OSTM1: variants seen among roughly 807,000 people sequenced by gnomAD.
OSTM1 encodes osteopetrosis-associated transmembrane protein 1.
Under a neutral mutation model 35.4 loss-of-function variants are expected in OSTM1, and 26 were observed. The observed-to-expected ratio is 0.73, with a 90% CI of 0.54 to 1.02. OSTM1 has a LOEUF of 1.02. Among genes scored for constraint, OSTM1 ranks in the 50% least tolerant of loss-of-function variants. The pLI, the probability that OSTM1 is intolerant of heterozygous loss-of-function variation, is 0.00. For synonymous variants in OSTM1, 181 were observed against 165.0 expected (o/e 1.10, Z -0.75); for missense variants, 366 against 409.6 (o/e 0.89, Z 0.92).
In OSTM1 at chr6:108,074,437, G is replaced by A. The variant is rs1202491913; in HGVS notation, c.215C>T (p.Ser72Leu). The A allele has an allele frequency of 1.3e-6, 2 of 1,559,304 alleles. No homozygotes were observed. Among genetic ancestry groups the A allele is most frequent in the African/African-American group, 1.4e-5 (1 of 73,674 alleles). ...LLQGGGLGPL[S>L]LPPDLPDLDP... ...CAGATCCGGCAGGTCCGGGGGCAGCGACAGAGGCCCCAGCCCTCCACCCTG... is the reference window on the plus strand; with the variant it reads ...CAGATCCGGCAGGTCCGGGGGCAGCAACAGAGGCCCCAGCCCTCCACCCTG... The change falls in exon 1 of 6, where the codon TCG (serine) becomes TTG (leucine). Residue 72 changes from serine (S) to leucine (L), a missense_variant. Physicochemically the swap from Ser to Leu is moderately radical, Grantham distance 145. Coordinates refer to ENST00000193322, the MANE Select transcript of OSTM1 (RefSeq NM_014028.4).
intron 1 of OSTM1, among the ~76,000 whole-genome samples, chr6:108,072,105 C>T (rs1772495654): frequency 6.6e-6 from 1 of 152,178 alleles, no homozygotes; most frequent in Non-Finnish European, 1.5e-5. Flanking sequence ...GCATCATGAT[C>T]CCTGGCCATT....
rs191274133 is a variant in OSTM1 at position 108,054,561 on chromosome 6, A to G, written c.544T>C (p.Leu182=). ...AGGAAATATACTGTGCTGTTTGATAATTCTTCACTGTTGTTTGTTAAACAA... is the reference window on the plus strand; with the variant it reads ...AGGAAATATACTGTGCTGTTTGATAGTTCTTCACTGTTGTTTGTTAAACAA... ...ANCLTNNSEE[L]SNSTVYFLNL... The change falls in exon 3 of 6, where the codon TTA becomes CTA. Residue 182 remains leucine (L), a synonymous_variant. Coordinates refer to ENST00000193322, the MANE Select transcript of OSTM1 (RefSeq NM_014028.4). 29 of 1,564,436 alleles carry G rather than the reference A, an allele frequency of 1.9e-5. No individual in the cohort carries two copies. The East Asian group carries it at 6.3e-4, about 34-fold the overall frequency.
At chr6:108,073,940 G>A in intron 1 of OSTM1, 1 of 433,370 alleles carries the variant, frequency 2.3e-6, no homozygotes, top group Non-Finnish European at 4.2e-6. Flanking sequence ...GCAACTCCAG[G>A]TGAAGATGAG....
At chr6:108,058,019 C>T (rs1772197727) in intron 2 of OSTM1, among the ~76,000 whole-genome samples, 1 of 150,526 alleles carries the variant, frequency 6.6e-6, no homozygotes, top group Admixed American at 6.6e-5. Context: ...TCAGAGAAGG[C>T]TCAGGCATCA....
Position 108,064,319 on chromosome 6 carries a change from G to C in OSTM1, c.403-20C>G. On this transcript the variant is annotated intron_variant, in intron 1 of 5. Transcript: ENST00000193322. ...AGTATTCTGTAACAAAAAGAAGACA[G>C]AAAAATACAATCTGAGTATTTTCAG... The C allele has an allele frequency of 7.8e-7, 1 of 1,279,634 alleles. No homozygotes were observed. Among genetic ancestry groups the C allele is most frequent in the Non-Finnish European group, 1.1e-6 (1 of 882,402 alleles). The allele number at this position is 1,279,634 out of a possible 1,614,324, so 79.3% of individuals were successfully genotyped here.
intron 3 of OSTM1, among the ~76,000 whole-genome samples, chr6:108,051,447 T>G (rs1435822019): frequency 6.6e-6 from 1 of 152,198 alleles, no homozygotes; most frequent in Non-Finnish European, 1.5e-5. Context: ...GGCAAACTGT[T>G]TGGAACTTTC....
rs548062505 is a variant in OSTM1, at chr6:108,068,301, T to C, written c.403-4002A>G. ...GTCATAATTTCAAATGCCATTTTTA[T>C]GCCGACACTCCCAAAGGTGTTATCT... On this transcript the variant is annotated intron_variant, in intron 1 of 5. Coordinates refer to ENST00000193322, the MANE Select transcript of OSTM1 (RefSeq NM_014028.4). 8.2e-4 allele frequency among the ~76,000 whole-genome samples: 125 copies of C among 152,320 alleles called. 1 individual carries two copies. The highest frequency in any genetic ancestry group is 2.9e-3 in the African/African-American group (120 of 41,570).
intron 2 of OSTM1, among the ~76,000 whole-genome samples, chr6:108,057,233 C>T (rs968735969): frequency 2.0e-5 from 3 of 152,130 alleles, no homozygotes; most frequent in Non-Finnish European, 2.9e-5. Flanking sequence ...TGTCTCATTG[C>T]CCCTCTTAAT....
intron 2 of OSTM1, among the ~76,000 whole-genome samples, chr6:108,056,185 A>C (rs1772166911): frequency 6.6e-6 from 1 of 152,024 alleles, no homozygotes; most frequent in South Asian, 2.1e-4. Flanking sequence ...ACTGCACTTT[A>C]AACACATTTG....
intron 1 of OSTM1, 108 bp from the exon 2 acceptor site, chr6:108,064,407 A>T: frequency 2.8e-6 from 2 of 704,918 alleles, no homozygotes; most frequent in East Asian, 5.3e-5. Context: ...GCTTTTTAAC[A>T]TTTTGTTTGA....
At chr6:108,060,800 C>G (rs1186846541) in intron 2 of OSTM1, 1 of 152,130 alleles carries the variant, frequency 6.6e-6, no homozygotes, top group African/African-American at 2.4e-5. Context: ...TCACATCTGT[C>G]AAAAGAAGTG....
At chr6:108,053,022 T>TAGAA (rs1772106812) in intron 3 of OSTM1, among the ~76,000 whole-genome samples, 1 of 152,206 alleles carries the variant, frequency 6.6e-6, no homozygotes, top group African/African-American at 2.4e-5. Context: ...AAGCTTCCCT[T>TAGAA]TACCCTTCCC....
In OSTM1 at chr6:108,042,915, T is replaced by A. The variant is rs1250687923; in HGVS notation, c.*1870A>T. ...AGCTGTGTGTCAACATTCAGTACTATGCAAATCATTTTTCAATATGACAAA... is the reference window on the plus strand; with the variant it reads ...AGCTGTGTGTCAACATTCAGTACTAAGCAAATCATTTTTCAATATGACAAA... On this transcript the variant is annotated 3_prime_UTR_variant, in exon 6 of 6. Transcript: ENST00000193322. 2.0e-5 allele frequency: 3 copies of A among 152,224 alleles called. No homozygotes were observed. Among genetic ancestry groups the A allele is most frequent in the Non-Finnish European group, 4.4e-5 (3 of 68,034 alleles). The allele number at this position is 152,224 out of a possible 1,614,324, so 9.4% of individuals were successfully genotyped here.
At chr6:108,053,517 T>C (rs189388948) in intron 3 of OSTM1, among the ~76,000 whole-genome samples, 1 of 152,318 alleles carries the variant, frequency 6.6e-6, no homozygotes, top group Non-Finnish European at 1.5e-5. Context: ...ATTTTTTTTA[T>C]TTTATTTTTT....
intron 5 of OSTM1, among the ~76,000 whole-genome samples, chr6:108,048,644 T>C (rs1772022297): frequency 6.6e-6 from 1 of 152,180 alleles, no homozygotes; most frequent in Admixed American, 6.5e-5. Context: ...TATTGCCATG[T>C]TAGGAGTGCA....
chr6:108,066,085 G>A (rs1175504686), intron 1 of OSTM1, among the ~76,000 whole-genome samples: 1 of 152,178 alleles, frequency 6.6e-6, no homozygotes, highest in African/African-American at 2.4e-5. Context: ...TGAAAGTAGG[G>A]CTATTAAAGG....
intron 1 of OSTM1, among the ~76,000 whole-genome samples, chr6:108,071,188 A>C (rs1200790877): frequency 3.6e-5 from 5 of 139,376 alleles, no homozygotes; most frequent in African/African-American, 6.3e-5. Context: ...ACTCTGTCTC[A>C]AAAAAAAAAG....
chr6:108,054,651 T>C (rs1772139462), intron 2 of OSTM1, 64 bp from the exon 3 acceptor site: 4 of 752,698 alleles, frequency 5.3e-6, no homozygotes, highest in Non-Finnish European at 9.3e-6. Context: ...TTGTCATTTA[T>C]ATCTTAAGCT....
intron 2 of OSTM1, among the ~76,000 whole-genome samples, chr6:108,062,397 T>C (rs1021650608): frequency 6.6e-6 from 1 of 152,238 alleles, no homozygotes; most frequent in Admixed American, 6.5e-5. Flanking sequence ...AGATTATAAA[T>C]GGTTTACTTC....
Sources: allele counts gnomAD v4.1 joint callset (sites outside exome capture counted in the v4.1 genomes callset), GRCh38; gene constraint gnomAD v4.1.1; transcripts MANE v1.5; gene names NCBI Gene and HGNC (gene_info 2026-07-23, HGNC 2026-07-21).